Variants in PDE4B observed in about 807,000 individuals in gnomAD.
PDE4B encodes the protein phosphodiesterase 4B.
Under a neutral mutation model 82.2 loss-of-function variants are expected in PDE4B, and 20 were observed. That is an observed-to-expected ratio of 0.24 (90% CI 0.17 to 0.35). PDE4B has a LOEUF of 0.35. Among genes scored for constraint, PDE4B ranks in the 10% least tolerant of loss-of-function variants. The pLI, the probability that PDE4B is intolerant of heterozygous loss-of-function variation, is 1.00. For synonymous variants in PDE4B, 320 were observed against 318.9 expected (o/e 1.00, Z -0.04); for missense variants, 655 against 907.2 (o/e 0.72, Z 3.57).
intron 1 of PDE4B, among the ~76,000 whole-genome samples, chr1:65,856,312 G>C (rs1010603306): frequency 1.3e-5 from 2 of 152,010 alleles, no homozygotes; most frequent in African/African-American, 4.8e-5. Context: ...CTAGGTTTTT[G>C]TCCTAATGCT....
At chr1:66,241,534 TCTCACTCTGTTGCTCAG>T (rs1186099253) in intron 3 of PDE4B, among the ~76,000 whole-genome samples, 1 of 151,968 alleles carries the variant, frequency 6.6e-6, no homozygotes, top group Non-Finnish European at 1.5e-5. Context: ...TGAGACTGAG[TCTCACTCTGTTGCTCAG>T]CTGGGAGTGC....
At chr1:66,067,321 C>T (rs1557537349) in intron 3 of PDE4B, among the ~76,000 whole-genome samples, 2 of 152,050 alleles carry the variant, frequency 1.3e-5, no homozygotes, top group Non-Finnish European at 2.9e-5. Flanking sequence ...TAAAAGTGTT[C>T]CTATTTCTCC....
chr1:65,951,843 A>C (rs1021440110), intron 3 of PDE4B, among the ~76,000 whole-genome samples: 2 of 152,038 alleles, frequency 1.3e-5, no homozygotes, highest in African/African-American at 4.8e-5. Context: ...TTTTAGCCAT[A>C]AAAATTCCAA....
intron 3 of PDE4B, among the ~76,000 whole-genome samples, chr1:66,013,561 T>G (rs1225386133): frequency 6.6e-6 from 1 of 152,132 alleles, no homozygotes; most frequent in Non-Finnish European, 1.5e-5. Context: ...GTAATTCACA[T>G]TCTTGTGCAA....
At chr1:65,832,126 A>G (rs557117671) in intron 1 of PDE4B, among the ~76,000 whole-genome samples, 1 of 152,302 alleles carries the variant, frequency 6.6e-6, no homozygotes, top group Non-Finnish European at 1.5e-5. Context: ...TGGACTCCTA[A>G]TGATAGGTGT....
chr1:66,326,127 C>A (rs146996005), intron 7 of PDE4B, among the ~76,000 whole-genome samples: 8 of 152,306 alleles, frequency 5.3e-5, no homozygotes, highest in African/African-American at 1.2e-4. Context: ...TGTTGATACC[C>A]ATTGTTATAG....
chr1:66,150,237 T>A (rs530950509), intron 3 of PDE4B, among the ~76,000 whole-genome samples: 1 of 152,128 alleles, frequency 6.6e-6, no homozygotes, highest in African/African-American at 2.4e-5. Flanking sequence ...TGTAACCCCA[T>A]AAGAATTCTG....
At chr1:66,060,933 T>C (rs957519349) in intron 3 of PDE4B, among the ~76,000 whole-genome samples, 3 of 151,714 alleles carry the variant, frequency 2.0e-5, no homozygotes, top group Non-Finnish European at 4.4e-5. Flanking sequence ...GAGTGAAAAA[T>C]AGGTGTAATA....
At chr1:66,275,759 A>G (rs1428120854) in intron 7 of PDE4B, among the ~76,000 whole-genome samples, 1 of 152,124 alleles carries the variant, frequency 6.6e-6, no homozygotes, top group Non-Finnish European at 1.5e-5. Context: ...CATTTCAGGG[A>G]ACAGCCTTTC....
At chr1:66,333,431 T>C (rs1399862290) in intron 8 of PDE4B, among the ~76,000 whole-genome samples, 2 of 151,080 alleles carry the variant, frequency 1.3e-5, no homozygotes, top group African/African-American at 4.9e-5. Context: ...TAAATACATA[T>C]TGCTATAAAG....
chr1:65,861,029 T>G (rs1215073653), intron 1 of PDE4B, among the ~76,000 whole-genome samples: 3 of 152,250 alleles, frequency 2.0e-5, no homozygotes, highest in Admixed American at 2.0e-4. Flanking sequence ...TTTCTTTTGC[T>G]GTGCAGAAGT....
At chr1:66,238,097 C>T (rs1380567619) in intron 3 of PDE4B, among the ~76,000 whole-genome samples, 2 of 152,150 alleles carry the variant, frequency 1.3e-5, no homozygotes, top group Admixed American at 6.5e-5. Flanking sequence ...AAGAAGGCAG[C>T]CATCCAGAGA....
intron 3 of PDE4B, among the ~76,000 whole-genome samples, chr1:66,220,348 C>T (rs992858353): frequency 6.6e-5 from 10 of 152,250 alleles, no homozygotes; most frequent in African/African-American, 1.9e-4. Flanking sequence ...AGCGAGAAAA[C>T]ATTTTGTAGT....
At chr1:66,320,372 G>A (rs911042115) in intron 7 of PDE4B, among the ~76,000 whole-genome samples, 1 of 152,130 alleles carries the variant, frequency 6.6e-6, no homozygotes, top group East Asian at 1.9e-4. Flanking sequence ...AAGTGCTATT[G>A]AGAGGCAAAA....
At chr1:65,877,618 A>AATAG (rs1369833331) in intron 1 of PDE4B, among the ~76,000 whole-genome samples, 8 of 106,006 alleles carry the variant, frequency 7.5e-5, no homozygotes, top group African/African-American at 3.4e-4. Context: ...CTGTCTAAAA[A>AATAG]ATAAATAAAT....
At chr1:65,888,087 A>G (rs1348775701) in intron 1 of PDE4B, among the ~76,000 whole-genome samples, 1 of 152,074 alleles carries the variant, frequency 6.6e-6, no homozygotes, top group Non-Finnish European at 1.5e-5. Context: ...TTCAGGTCTT[A>G]TGTATAAGTC....
intron 8 of PDE4B, among the ~76,000 whole-genome samples, chr1:66,345,184 A>G (rs943217576): frequency 2.0e-5 from 3 of 151,102 alleles, no homozygotes; most frequent in Admixed American, 6.6e-5. Flanking sequence ...GTCAAGACAT[A>G]GAATCAAATC....
At chr1:66,235,302 T>C (rs906824148) in intron 3 of PDE4B, among the ~76,000 whole-genome samples, 1 of 152,226 alleles carries the variant, frequency 6.6e-6, no homozygotes, top group Non-Finnish European at 1.5e-5. Context: ...CCATCAATTA[T>C]TGAGGCTATA....
At chr1:66,043,403 A>C (rs529897523) in intron 3 of PDE4B, among the ~76,000 whole-genome samples, 1 of 151,878 alleles carries the variant, frequency 6.6e-6, no homozygotes, top group East Asian at 1.9e-4. Context: ...GCTGGTTAGG[A>C]AACAGAAGTC....
Sources: allele counts gnomAD v4.1 joint callset (sites outside exome capture counted in the v4.1 genomes callset), GRCh38; gene constraint gnomAD v4.1.1; transcripts MANE v1.5; gene names NCBI Gene and HGNC (gene_info 2026-07-23, HGNC 2026-07-21).